The following SLC39A13 variants were observed in gnomAD, a reference collection of about 807,000 sequenced individuals.
SLC39A13 encodes zinc transporter ZIP13.
In SLC39A13, 18 loss-of-function variants were observed where a neutral mutation model predicts 38.7. The ratio of observed to expected loss-of-function variants is 0.47; its 90% confidence interval spans 0.32 to 0.69. The LOEUF is 0.69. SLC39A13 is among the 30% of genes least tolerant of loss of function. SLC39A13 has a pLI of 0.03. For missense variants in SLC39A13, 395 were observed against 490.7 expected (o/e 0.80, Z 1.84); for synonymous variants, 212 against 219.1 (o/e 0.97, Z 0.29).
chr11:47,414,072 G>A (rs983204028), intron 6 of SLC39A13: 17 of 612,388 alleles, frequency 2.8e-5, no homozygotes, highest in African/African-American at 3.7e-5. Flanking sequence ...CCCACGCTTC[G>A]AGCGGCTGAC....
At chr11:47,411,813 C>T (rs1328650932) in intron 2 of SLC39A13, 113 bp from the exon 3 acceptor site, 2 of 1,011,066 alleles carry the variant, frequency 2.0e-6, no homozygotes, top group East Asian at 2.6e-5. Flanking sequence ...GAAGAGCAGC[C>T]ACCCATATCC....
chr11:47,410,915 G>A (rs528893729), intron 2 of SLC39A13, among the ~76,000 whole-genome samples: 42 of 152,302 alleles, frequency 2.8e-4, no homozygotes, highest in African/African-American at 8.7e-4. Flanking sequence ...GGCTGAGGGC[G>A]GTGCCACAGC....
intron 8 of SLC39A13, 24 bp from the exon 9 acceptor site, chr11:47,415,013 GCA>G (rs771669833): frequency 4.3e-6 from 7 of 1,612,274 alleles, no homozygotes; most frequent in Non-Finnish European, 4.2e-6. Flanking sequence ...GAGGTGGGGA[GCA>G]CACACAGTGC....
chr11:47,414,937 G>T, intron 8 of SLC39A13, 28 bp downstream of exon 8: 1 of 1,604,430 alleles, frequency 6.2e-7, no homozygotes, highest in Non-Finnish European at 8.5e-7. Context: ...GGTTGTGGCG[G>T]GTGGCATCAG....
chr11:47,415,241 T>C (rs1247893782), intron 9 of SLC39A13, 47 bp from the exon 10 acceptor site: 1 of 1,613,494 alleles, frequency 6.2e-7, no homozygotes, highest in Admixed American at 1.7e-5. Flanking sequence ...GGCCGCTGCC[T>C]GCTCCCCCTG....
intron 1 of SLC39A13, chr11:47,409,183 C>A (rs1023541022): frequency 3.3e-5 from 5 of 152,370 alleles, no homozygotes; most frequent in Non-Finnish European, 7.3e-5. Context: ...GCAGAGCAGA[C>A]CACATTTAAA....
intron 7 of SLC39A13, 101 bp from the exon 8 acceptor site, chr11:47,414,676 G>A: frequency 1.9e-6 from 3 of 1,576,686 alleles, no homozygotes; most frequent in Non-Finnish European, 2.6e-6. Context: ...CCCAGGGGAA[G>A]GGTGGGGAAG....
upstream of SLC39A13, chr11:47,408,489 G>T (rs939962326): frequency 6.6e-5 from 10 of 150,698 alleles, no homozygotes; most frequent in African/African-American, 2.4e-4. Context: ...CGACCCCGCG[G>T]CACGCGGCGC....
intron 4 of SLC39A13, among the ~76,000 whole-genome samples, chr11:47,413,116 G>A (rs1305610098): frequency 6.6e-6 from 1 of 151,990 alleles, no homozygotes; most frequent in Non-Finnish European, 1.5e-5. Context: ...TCACCTCCCA[G>A]GTTCAAGCAA....
At chr11:47,408,374 C>G (rs1362813479), upstream of SLC39A13, among the ~76,000 whole-genome samples, 5 of 152,204 alleles carry the variant, frequency 3.3e-5, no homozygotes, top group African/African-American at 1.2e-4. Flanking sequence ...TCACTTCCGA[C>G]CGACCCTCCC....
At chr11:47,413,322 C>T in intron 4 of SLC39A13, 78 bp from the exon 5 acceptor site, 1 of 1,438,592 alleles carries the variant, frequency 7.0e-7, no homozygotes, top group Non-Finnish European at 9.7e-7. Flanking sequence ...TCTCTTTCTC[C>T]ATCTCTCTCC....
Position 47,415,481 on chromosome 11 carries a change from G to C in SLC39A13, c.*118G>C. Reference sequence around the variant, plus strand: ...GGCTGCGAGAGAGAATGAGCCTCCCGCCAGACAGGAGGGAGGTGCGTGTGG... The same window carrying C: ...GGCTGCGAGAGAGAATGAGCCTCCCCCCAGACAGGAGGGAGGTGCGTGTGG... On this transcript the variant is annotated 3_prime_UTR_variant, in exon 10 of 10. Transcript: ENST00000362021. The C allele has an allele frequency of 2.6e-6, 3 of 1,156,508 alleles. No homozygotes were observed. Among genetic ancestry groups the C allele is most frequent in the Non-Finnish European group, 3.8e-6 (3 of 781,378 alleles). 71.6% of individuals were successfully genotyped at this position (1,156,508 alleles called of 1,614,324 possible).
intron 6 of SLC39A13, chr11:47,413,979 T>C: frequency 1.4e-6 from 1 of 691,174 alleles, no homozygotes; most frequent in Non-Finnish European, 2.6e-6. Context: ...GCCTCTGGCC[T>C]CTGGCCCAGA....
At chr11:47,414,319 C>A in intron 6 of SLC39A13, 106 bp from the exon 7 acceptor site, 1 of 1,342,816 alleles carries the variant, frequency 7.4e-7, no homozygotes, top group Non-Finnish European at 1.0e-6. Context: ...ACACAGTGCC[C>A]ACCCAGAGCC....
chr11:47,412,209 G>A (rs1197503296), intron 3 of SLC39A13, 137 bp from the exon 4 acceptor site: 11 of 1,331,564 alleles, frequency 8.3e-6, no homozygotes, highest in South Asian at 3.8e-5. Flanking sequence ...GTCCCAGTGG[G>A]AGTTCTGGGC....
At position 47,413,484 on chromosome 11, in the gene SLC39A13, G is replaced by T; in HGVS notation, c.622G>T (p.Gly208Cys). ...LAQPAAEPGL[G>C]AVVRSIKVSG... ...CCAGCCGGCTGCAGAGCCCGGCCTCGGTGCCGTGGTCCGGAGCATCAAAGT... is the reference window on the plus strand; with the variant it reads ...CCAGCCGGCTGCAGAGCCCGGCCTCTGTGCCGTGGTCCGGAGCATCAAAGT... The change falls in exon 5 of 10, where the codon GGT becomes TGT. Residue 208 changes from glycine (G) to cysteine (C), a missense_variant. Coordinates refer to ENST00000362021, the MANE Select transcript of SLC39A13 (RefSeq NM_001128225.3). The T allele has an allele frequency of 6.2e-7, 1 of 1,614,056 alleles. No homozygotes were observed. The highest frequency in any genetic ancestry group is 8.5e-7 in the Non-Finnish European group (1 of 1,180,000).
In SLC39A13 at chr11:47,411,937, C is replaced by G. The variant is rs374468349; in HGVS notation, c.313C>G (p.Arg105Gly). 1 of 1,613,258 alleles carries G rather than the reference C, an allele frequency of 6.2e-7. No individual in the cohort carries two copies. The highest frequency in any genetic ancestry group is 1.1e-5 in the South Asian group (1 of 90,896). Residue 105 changes from arginine to glycine, a missense_variant, in exon 3 of 10, where the codon CGC (arginine) becomes GGC (glycine). Arg to Gly is a moderately radical substitution (Grantham distance 125). Transcript: ENST00000362021. Reference sequence around the variant, plus strand: ...TCTCTCCCTTGTAGCTGGGGCCTGGCGCCTGAAGCAGCTGCTCAGCTTCGC... The same window carrying G: ...TCTCTCCCTTGTAGCTGGGGCCTGGGGCCTGAAGCAGCTGCTCAGCTTCGC... Reference protein sequence around the residue: ...TMLRSEAGAWRLKQLLSFALG... With the variant: ...TMLRSEAGAWGLKQLLSFALG...
At position 47,412,034 on chromosome 11, in the gene SLC39A13, G is replaced by C. The variant is rs1419691842; in HGVS notation, c.410G>C (p.Ser137Thr). 1.2e-6 allele frequency: 2 copies of C among 1,608,478 alleles called. No homozygotes were observed. The highest frequency in any genetic ancestry group is 1.7e-6 in the Non-Finnish European group (2 of 1,177,714). ...GCCTGGGCCTACACGTGCAGCGCCA[G>C]CCCTGGTAAGTGAGGCCACACGCCA... ...PEAWAYTCSA[S>T]PGGEGQSLQQ... The change falls in exon 3 of 10, where the codon AGC becomes ACC. Residue 137 changes from serine to threonine, a missense_variant. Physicochemically the swap from Ser to Thr is moderately conservative, Grantham distance 58. Transcript: ENST00000362021.
In SLC39A13 at chr11:47,412,036, C is replaced by T; in HGVS notation, c.412C>T (p.Pro138Ser). ...EAWAYTCSASPGGEGQSLQQQ... is the reference protein window; with the variant it reads ...EAWAYTCSASSGGEGQSLQQQ... Reference sequence around the variant, plus strand: ...CTGGGCCTACACGTGCAGCGCCAGCCCTGGTAAGTGAGGCCACACGCCAGG... The same window carrying T: ...CTGGGCCTACACGTGCAGCGCCAGCTCTGGTAAGTGAGGCCACACGCCAGG... The change falls in exon 3 of 10, where the codon CCT (proline) becomes TCT (serine). Residue 138 changes from proline to serine, a missense_variant. Physicochemically the swap from Pro to Ser is moderately conservative, Grantham distance 74. Transcript: ENST00000362021. The T allele has an allele frequency of 1.2e-6, 2 of 1,608,314 alleles. No homozygotes were observed. The highest frequency in any genetic ancestry group is 1.7e-6 in the Non-Finnish European group (2 of 1,177,646).
Sources: allele counts gnomAD v4.1 joint callset (sites outside exome capture counted in the v4.1 genomes callset), GRCh38; gene constraint gnomAD v4.1.1; transcripts MANE v1.5; gene names NCBI Gene and HGNC (gene_info 2026-07-23, HGNC 2026-07-21).